Variants in PCDHGA3 observed in about 807,000 individuals in gnomAD.
The protein encoded by PCDHGA3 is protocadherin gamma subfamily A, 3, also known as protocadherin gamma-A3.
PCDHGA3 carries 40 observed loss-of-function variants against 58.5 expected under a neutral mutation model. The ratio of observed to expected loss-of-function variants is 0.68; its 90% CI spans 0.53 to 0.89. The LOEUF (loss-of-function observed/expected upper bound fraction) is 0.89. Ranked by LOEUF, PCDHGA3 falls within the 40% of genes least tolerant of loss-of-function variation. The probability of loss-of-function intolerance (pLI) is 0.00; values close to 1 mark genes in which losing one functional copy is unlikely to be tolerated. For missense variants in PCDHGA3, 1,223 were observed against 1,195.9 expected, an observed-to-expected ratio of 1.02 and a Z score of -0.33; for synonymous variants, 530 against 525.7, an observed-to-expected ratio of 1.01 and a Z score of -0.11.
intron 1 of PCDHGA3, chr5:141,413,715 G>A (rs955570292): frequency 2.5e-6 from 4 of 1,613,472 alleles, no homozygotes; most frequent in Non-Finnish European, 3.4e-6. Context: ...GCCCCAATAA[G>A]CACTTCTCCC....
intron 1 of PCDHGA3, among the ~76,000 whole-genome samples, chr5:141,438,598 AT>A (rs1433028092): frequency 6.7e-5 from 2 of 29,776 alleles, no homozygotes; most frequent in Non-Finnish European, 1.4e-4. Context: ...ATACATATAT[AT>A]ATATATATAT....
chr5:141,372,087 C>G, intron 1 of PCDHGA3: 2 of 1,613,740 alleles, frequency 1.2e-6, no homozygotes, highest in Non-Finnish European at 1.7e-6. Flanking sequence ...GGTGCTGTAC[C>G]CAGCTCTGGG....
chr5:141,355,386 C>A (rs1561508672), intron 1 of PCDHGA3: 1 of 1,614,032 alleles, frequency 6.2e-7, no homozygotes. Context: ...TGGCGGAGCG[C>A]GGAGTCCGCA....
intron 1 of PCDHGA3, chr5:141,479,313 G>C (rs926148640): frequency 2.0e-5 from 3 of 152,456 alleles, no homozygotes; most frequent in Non-Finnish European, 2.9e-5. Context: ...AAAACATAAA[G>C]TAGCCAGACT....
At chr5:141,427,880 C>G in intron 1 of PCDHGA3, 5 of 1,563,170 alleles carry the variant, frequency 3.2e-6, no homozygotes, top group Non-Finnish European at 3.5e-6. Context: ...CGATGCAGGC[C>G]CACGACCAGG....
intron 1 of PCDHGA3, chr5:141,418,409 G>A (rs2096254230): frequency 6.2e-7 from 1 of 1,613,792 alleles, no homozygotes; most frequent in African/African-American, 1.3e-5. Context: ...GGTGGAGAAA[G>A]ACAATCCTGA....
intron 1 of PCDHGA3, chr5:141,440,160 G>A (rs568136682): frequency 6.6e-6 from 1 of 152,324 alleles, no homozygotes; most frequent in East Asian, 1.9e-4. Flanking sequence ...ATTATAGCTT[G>A]GGCCATAACG....
rs1190445239 is a variant in PCDHGA3 at position 141,431,331 on chromosome 5, A to T, written c.2425-63476A>T. 1 of 1,614,062 alleles carries T rather than the reference A, an allele frequency of 6.2e-7. No individual in the cohort carries two copies. The highest frequency in any genetic ancestry group is 1.7e-5 in the Admixed American group (1 of 60,026). On this transcript the variant is annotated intron_variant, in intron 1 of 3. Coordinates refer to ENST00000253812, the MANE Select transcript of PCDHGA3 (RefSeq NM_018916.4). The surrounding 1 kb of genome is among the most constrained non-coding windows in gnomAD (Gnocchi z 4.8). ...CAAAATGGAGCCGACGGTAGTAAGT[A>T]CCCCGAATTGGTGCTGAAACGCGCC...
intron 1 of PCDHGA3, chr5:141,413,423 C>A (rs770419729): frequency 6.2e-7 from 1 of 1,614,078 alleles, no homozygotes; most frequent in Non-Finnish European, 8.5e-7. Flanking sequence ...TCTCTGAACC[C>A]GCGCAGCGGC....
chr5:141,485,888 G>T lies in PCDHGA3; in HGVS notation c.2425-8919G>T, dbSNP rs1166795987. 3 of 1,614,028 alleles carry T rather than the reference G, an allele frequency of 1.9e-6. No homozygotes were observed. The highest frequency in any genetic ancestry group is 2.5e-6 in the Non-Finnish European group (3 of 1,180,032). ...ATCCGTGCTGGACGTAAACGACAAC[G>T]CCCCAGCCTTCCAGCAATCCAGCTA... On this transcript the variant is annotated intron_variant, in intron 1 of 3. Coordinates refer to ENST00000253812, the MANE Select transcript of PCDHGA3 (RefSeq NM_018916.4). The surrounding 1 kb of genome is among the most constrained non-coding windows in gnomAD (Gnocchi z 5.7).
At chr5:141,506,487 G>A (rs1265051912) in intron 3 of PCDHGA3, among the ~76,000 whole-genome samples, 3 of 150,464 alleles carry the variant, frequency 2.0e-5, no homozygotes, top group Non-Finnish European at 4.4e-5. Flanking sequence ...TTAGAGGCAG[G>A]CCAATCTGGA....
chr5:141,365,600 G>A (rs1234948467), intron 1 of PCDHGA3: 1 of 1,613,374 alleles, frequency 6.2e-7, no homozygotes, highest in East Asian at 2.2e-5. Context: ...CACTTTAACC[G>A]TCATGGACCA....
At chr5:141,389,842 C>T (rs779733638) in intron 1 of PCDHGA3, 21 of 1,614,018 alleles carry the variant, frequency 1.3e-5, no homozygotes, top group Non-Finnish European at 1.7e-5. Context: ...CCACCACTCT[C>T]GGCCACTGCC....
intron 1 of PCDHGA3, chr5:141,383,588 T>C: frequency 6.2e-7 from 1 of 1,613,646 alleles, no homozygotes; most frequent in Non-Finnish European, 8.5e-7. Context: ...CACATCCAGG[T>C]GACAGTGGTG....
At chr5:141,359,517 G>A (rs1030061607) in intron 1 of PCDHGA3, among the ~76,000 whole-genome samples, 1 of 149,356 alleles carries the variant, frequency 6.7e-6, no homozygotes, top group Non-Finnish European at 1.5e-5. Flanking sequence ...TATATTATGG[G>A]CCACTAGATA....
intron 1 of PCDHGA3, chr5:141,388,092 T>C: frequency 8.7e-6 from 12 of 1,373,060 alleles, no homozygotes; most frequent in Non-Finnish European, 1.2e-5. Flanking sequence ...GCGCGTCAGT[T>C]CGGAGAAGCC....
chr5:141,389,588 C>T (rs2091837140), intron 1 of PCDHGA3: 3 of 1,613,150 alleles, frequency 1.9e-6, no homozygotes, highest in Non-Finnish European at 2.5e-6. Flanking sequence ...TGGGTCCCGA[C>T]GGCTCTGCGC....
At chr5:141,403,624 C>T (rs1269483770) in intron 1 of PCDHGA3, 3 of 1,613,924 alleles carry the variant, frequency 1.9e-6, no homozygotes. Context: ...GTCGCTCCAG[C>T]ACAGTGCGCA....
chr5:141,398,222 A>C, intron 1 of PCDHGA3: 2 of 1,483,320 alleles, frequency 1.3e-6, no homozygotes, highest in Non-Finnish European at 1.8e-6. Flanking sequence ...CTCTGTGAGC[A>C]GATCCGCTAC....
Sources: gnomAD v4.1 joint callset for allele counts (sites outside exome capture counted in the v4.1 genomes callset) on GRCh38, gnomAD v4.1.1 for gene constraint, Gnocchi (gnomAD v3.1) non-coding constraint, MANE v1.5 for transcripts, NCBI Gene and HGNC (gene_info 2026-07-23, HGNC 2026-07-21) for gene names.